CLK3: variants seen among roughly 807,000 people sequenced by gnomAD.
CLK3 encodes the protein CDC like kinase 3, also known as dual specificity protein kinase CLK3.
In CLK3, 24 loss-of-function variants were observed where a neutral mutation model predicts 65.2. The ratio of observed to expected loss-of-function variants is 0.37; its 90% confidence interval spans 0.27 to 0.52. CLK3 has a LOEUF of 0.52. CLK3 is among the 20% of genes least tolerant of loss of function. The pLI is 0.92. For missense variants in CLK3, 506 were observed against 660.0 expected, an observed-to-expected ratio of 0.77 and a Z score of 2.56; for synonymous variants, 252 against 240.8, an observed-to-expected ratio of 1.05 and a Z score of -0.43.
upstream of CLK3, chr15:74,613,468 A>G (rs746251431): frequency 2.0e-5 from 3 of 152,222 alleles, no homozygotes; most frequent in Non-Finnish European, 4.4e-5. Flanking sequence ...GTCACAAAAG[A>G]ATGAAGCTCT....
rs192337409 is a variant in CLK3, at chr15:74,621,874, T to C, written c.370-246T>C. Reference sequence around the variant, plus strand: ...AGATAATGTCCGAGTTTTCTTTACATACCTGTAGCTGTTTTTACTTTTCTG... The same window carrying C: ...AGATAATGTCCGAGTTTTCTTTACACACCTGTAGCTGTTTTTACTTTTCTG... On this transcript the variant is annotated intron_variant, in intron 3 of 12. Coordinates refer to ENST00000395066, the MANE Select transcript of CLK3 (RefSeq NM_001130028.2). This position sits in a 1 kb window ranked among gnomAD's most constrained non-coding sequence, Gnocchi z 4.8. 1.9e-6 allele frequency: 1 copy of C among 530,054 alleles called. No individual in the cohort carries two copies. The highest frequency in any genetic ancestry group is 4.0e-5 in the East Asian group (1 of 25,128). The allele number at this position is 530,054 out of a possible 1,614,324, so 32.8% of individuals were successfully genotyped here.
Position 74,624,529 on chromosome 15 carries a change from GA to G in CLK3, c.534-372del. 3.1e-5 allele frequency: 6 copies of G among 195,308 alleles called. No homozygotes were observed. The highest frequency in any genetic ancestry group is 1.5e-4 in the South Asian group (1 of 6,662). The allele number at this position is 195,308 out of a possible 1,614,324, so 12.1% of individuals were successfully genotyped here. On this transcript the variant is annotated intron_variant, in intron 5 of 12. Transcript: ENST00000395066. This position sits in a 1 kb window ranked among gnomAD's most constrained non-coding sequence, Gnocchi z 4.2. ...GGCGCCGCAGGAGGGTTCTCGGTGG[GA>G]CAGCCTGGCCAGGGTTGGGGCTGCC... is the stretch of plus-strand genomic sequence containing the variant.
chr15:74,619,122 G>T, intron 1 of CLK3, 75 bp from the exon 2 acceptor site: 2 of 1,576,298 alleles, frequency 1.3e-6, no homozygotes, highest in Admixed American at 3.6e-5. Context: ...GGAGCAACCG[G>T]GAAGCCCCAG....
chr15:74,617,106 T>C (rs1195807242), intron 1 of CLK3, among the ~76,000 whole-genome samples: 2 of 152,242 alleles, frequency 1.3e-5, no homozygotes, highest in African/African-American at 2.4e-5. Flanking sequence ...TTCTCTGTTA[T>C]TGCTTTGTGT....
At position 74,629,663 on chromosome 15, in the gene CLK3, C is replaced by T. The variant is rs557675947; in HGVS notation, c.1297-44C>T. 11 of 1,540,436 alleles carry T rather than the reference C, an allele frequency of 7.1e-6. No homozygotes were observed. The Admixed American group carries it at 1.2e-4, about 17-fold the overall frequency. On this transcript the variant is annotated intron_variant, in intron 12 of 12. Coordinates refer to ENST00000395066, the MANE Select transcript of CLK3 (RefSeq NM_001130028.2). ...GGCAAGGGGACCTGCTGTGGCTTCC[C>T]ACGACCCTGCCGTCACACTGAGGCA...
At chr15:74,619,102 G>A in intron 1 of CLK3, 95 bp from the exon 2 acceptor site, 1 of 1,477,064 alleles carries the variant, frequency 6.8e-7, no homozygotes, top group Non-Finnish European at 9.2e-7. Flanking sequence ...CAGAACAATG[G>A]GCCTCTTCAG....
chr15:74,629,230 C>T (rs2062172219), intron 12 of CLK3, 198 bp downstream of exon 12: 1 of 686,920 alleles, frequency 1.5e-6, no homozygotes. Flanking sequence ...AGCCCTACCC[C>T]TTCCCCATAG....
At chr15:74,608,901 C>T (rs936542791) in intron 1 of CLK3, among the ~76,000 whole-genome samples, 5 of 152,120 alleles carry the variant, frequency 3.3e-5, no homozygotes, top group African/African-American at 4.8e-5. Flanking sequence ...CTGGCTTGGA[C>T]ACTCTGAGGA....
intron 2 of CLK3, 124 bp downstream of exon 2, chr15:74,619,472 C>CT: frequency 9.5e-7 from 1 of 1,048,658 alleles, no homozygotes; most frequent in East Asian, 2.5e-5. Flanking sequence ...GCCCTGTCCT[C>CT]TTTGGGCTCC....
At chr15:74,615,301 C>G, upstream of CLK3, 4 of 656,432 alleles carry the variant, frequency 6.1e-6, no homozygotes, top group South Asian at 1.6e-4. Context: ...CACTGGCGAG[C>G]TGGGAGCGCC....
chr15:74,624,710 C>G lies in CLK3; in HGVS notation c.534-192C>G. 1 of 604,558 alleles carries G rather than the reference C, an allele frequency of 1.7e-6. No individual in the cohort carries two copies. The highest frequency in any genetic ancestry group is 3.0e-6 in the Non-Finnish European group (1 of 333,680). 37.4% of individuals were successfully genotyped at this position (604,558 alleles called of 1,614,324 possible). A position where few individuals can be genotyped will look rare whatever the true frequency, so the allele number is the denominator to read the frequency against. ...ATGCTAAGAGCATTAACTCACAGAT[C>G]TCAGGGAGCTTGCTGTTGGGTGGGC... is the stretch of plus-strand genomic sequence containing the variant. On this transcript the variant is annotated intron_variant, in intron 5 of 12. Coordinates refer to ENST00000395066, the MANE Select transcript of CLK3 (RefSeq NM_001130028.2). This position sits in a 1 kb window ranked among gnomAD's most constrained non-coding sequence, Gnocchi z 4.2.
At chr15:74,612,180 T>C (rs2061997919), upstream of CLK3, among the ~76,000 whole-genome samples, 1 of 152,228 alleles carries the variant, frequency 6.6e-6, no homozygotes, top group Non-Finnish European at 1.5e-5. Flanking sequence ...CAACACTGTC[T>C]GCACCAGAGC....
At position 74,627,569 on chromosome 15, in the gene CLK3, A is replaced by C; in HGVS notation, c.943A>C (p.Ser315Arg). 1 of 1,614,224 alleles carries C rather than the reference A, an allele frequency of 6.2e-7. No individual in the cohort carries two copies. The highest frequency in any genetic ancestry group is 8.5e-7 in the Non-Finnish European group (1 of 1,180,040). Residue 315 changes from serine to arginine, a missense_variant, in exon 9 of 13, where the codon AGC (serine) becomes CGC (arginine). By Grantham distance (110) the Ser-to-Arg change is moderately radical (BLOSUM62 -1). Around this residue, in one of 2 missense-constraint regions of CLK3, gnomAD observed 325 missense variants for 500.5 expected, o/e 0.65. Transcript: ENST00000395066. The surrounding 1 kb of genome is among the most constrained non-coding windows in gnomAD (Gnocchi z 4.3). The part of the protein sequence containing the change: ...SCEEKSVKNT[S>R]IRVADFGSAT... ...TGAGGAGAAGTCAGTGAAGAACACC[A>C]GCATCCGAGTGGCTGACTTTGGCAG...
At position 74,622,428 on chromosome 15, in the gene CLK3, G is replaced by C. The variant is rs981714309; in HGVS notation, c.467-66G>C. ...TTGTTTTTGAGAATTTGAATGCTGT[G>C]AACTTGCAGGAGCTGCCAACCCCCT... On this transcript the variant is annotated intron_variant, in intron 4 of 12. Transcript: ENST00000395066. This position sits in a 1 kb window ranked among gnomAD's most constrained non-coding sequence, Gnocchi z 4.6. 3 of 1,267,668 alleles carry C rather than the reference G, an allele frequency of 2.4e-6. No individual in the cohort carries two copies. In the African/African-American group the frequency reaches 4.5e-5, roughly 19 times the overall value. The allele number at this position is 1,267,668 out of a possible 1,614,324, so 78.5% of individuals were successfully genotyped here.
At chr15:74,625,464 G>C (rs746169011) in intron 6 of CLK3, among the ~76,000 whole-genome samples, 5 of 152,140 alleles carry the variant, frequency 3.3e-5, no homozygotes, top group African/African-American at 1.2e-4. Context: ...CCAGTCCTGC[G>C]GAGTGCACTA....
At chr15:74,612,713 G>T (rs546191361), upstream of CLK3, among the ~76,000 whole-genome samples, 2 of 152,218 alleles carry the variant, frequency 1.3e-5, no homozygotes, top group South Asian at 4.1e-4. Flanking sequence ...CCAGGCTCCT[G>T]CAGCCCCCTC....
Position 74,622,077 on chromosome 15 carries a change from C to G in CLK3, c.370-43C>G. 6.3e-7 allele frequency: 1 copy of G among 1,575,136 alleles called. No homozygotes were observed. The highest frequency in any genetic ancestry group is 8.7e-7 in the Non-Finnish European group (1 of 1,144,844). ...CAATCTGTCAATCGGAACCGCCTAC[C>G]ATGCGATTGGTCGGATGGCGTTTCG... On this transcript the variant is annotated intron_variant, in intron 3 of 12. Transcript: ENST00000395066. The surrounding 1 kb of genome is among the most constrained non-coding windows in gnomAD (Gnocchi z 4.6).
Position 74,627,187 on chromosome 15 carries a change from T to C in CLK3, c.818-165T>C. 1.4e-6 allele frequency: 1 copy of C among 727,378 alleles called. No homozygotes were observed. Among genetic ancestry groups the C allele is most frequent in the Non-Finnish European group, 2.5e-6 (1 of 398,364 alleles). 45.1% of individuals were successfully genotyped at this position (727,378 alleles called of 1,614,324 possible). On this transcript the variant is annotated intron_variant, in intron 7 of 12. Coordinates refer to ENST00000395066, the MANE Select transcript of CLK3 (RefSeq NM_001130028.2). The surrounding 1 kb of genome is among the most constrained non-coding windows in gnomAD (Gnocchi z 4.3). Reference sequence around the variant, plus strand: ...CAAGGCCTCAAGTACAGAGAACCCTTGAGAGGGAGGCCAGCACAGAGGCAG... The same window carrying C: ...CAAGGCCTCAAGTACAGAGAACCCTCGAGAGGGAGGCCAGCACAGAGGCAG...
intron 7 of CLK3, among the ~76,000 whole-genome samples, chr15:74,626,366 C>T (rs1260798728): frequency 6.6e-6 from 1 of 152,352 alleles, no homozygotes; most frequent in East Asian, 1.9e-4. Flanking sequence ...TTGTCATCTC[C>T]CTGCCAGCCT....
Sources: gnomAD v4.1 joint callset for allele counts (sites outside exome capture counted in the v4.1 genomes callset) on GRCh38, gnomAD v4.1.1 for gene constraint, gnomAD v4.1.1 regional missense constraint, Gnocchi (gnomAD v3.1) non-coding constraint, MANE v1.5 for transcripts, NCBI Gene and HGNC (gene_info 2026-07-23, HGNC 2026-07-21) for gene names.